Variants in MYO18B observed in about 807,000 individuals in gnomAD.
The protein encoded by MYO18B is myosin XVIIIB.
MYO18B carries 204 observed loss-of-function variants against 273.0 expected under a neutral mutation model. The ratio of observed to expected loss-of-function variants is 0.75; its 90% CI spans 0.67 to 0.84. MYO18B has a LOEUF of 0.84. MYO18B is among the 40% of genes least tolerant of loss of function. The pLI is 0.00. For synonymous variants in MYO18B, 1,330 were observed against 1,305.7 expected (o/e 1.02, Z -0.40); for missense variants, 3,212 against 3,287.6 (o/e 0.98, Z 0.56).
intron 18 of MYO18B, among the ~76,000 whole-genome samples, chr22:25,845,699 G>T: frequency 6.6e-6 from 1 of 152,196 alleles, no homozygotes; most frequent in East Asian, 1.9e-4. Flanking sequence ...ATTCCTTCTT[G>T]CATGAAACAC....
At chr22:25,909,421 C>T (rs1016562164) in intron 32 of MYO18B, among the ~76,000 whole-genome samples, 10 of 152,308 alleles carry the variant, frequency 6.6e-5, no homozygotes, top group South Asian at 2.1e-4. Flanking sequence ...ATAAAGAGAG[C>T]GCCTTGTATT....
At chr22:26,007,525 C>A (rs1476809451) in intron 42 of MYO18B, among the ~76,000 whole-genome samples, 4 of 152,172 alleles carry the variant, frequency 2.6e-5, no homozygotes, top group Non-Finnish European at 5.9e-5. Context: ...CTAAAACTGC[C>A]TAAGGATTAT....
chr22:26,061,431 A>G, the MYO18B span, among the ~76,000 whole-genome samples: 1 of 152,128 alleles, frequency 6.6e-6, no homozygotes, highest in East Asian at 1.9e-4. Context: ...TGCTTTGAAT[A>G]CTGGGTGGCT....
At chr22:25,907,891 A>G (rs2092077086) in intron 31 of MYO18B, among the ~76,000 whole-genome samples, 1 of 152,100 alleles carries the variant, frequency 6.6e-6, no homozygotes, top group African/African-American at 2.4e-5. Context: ...AAAATTAGCC[A>G]GGTGTGGTGG....
At chr22:25,771,178 A>G (rs1426158085) in intron 6 of MYO18B, among the ~76,000 whole-genome samples, 194 bp downstream of exon 6, 6 of 152,226 alleles carry the variant, frequency 3.9e-5, no homozygotes. Context: ...GGGTACTATT[A>G]GGGGGTCATT....
In MYO18B at chr22:25,768,273, G is replaced by C; in HGVS notation, c.357G>C (p.Gln119His). The C allele has an allele frequency of 6.2e-7, 1 of 1,614,010 alleles. No individual in the cohort carries two copies. The highest frequency in any genetic ancestry group is 2.2e-5 in the East Asian group (1 of 44,876). ...GGTCCCGCAGCCCCGACCCTGAGCA[G>C]ATGACAAGCATCAATGGTGAGAAGG... ...SEGSRSPDPE[Q>H]MTSINGEKAQ... Residue 119 changes from glutamine to histidine, a missense_variant, in exon 4 of 44, where the codon CAG (glutamine) becomes CAC (histidine). Coordinates refer to ENST00000335473, the MANE Select transcript of MYO18B (RefSeq NM_032608.7).
At chr22:25,972,606 C>T (rs916038177) in intron 39 of MYO18B, among the ~76,000 whole-genome samples, 6 of 152,236 alleles carry the variant, frequency 3.9e-5, no homozygotes, top group African/African-American at 1.2e-4. Flanking sequence ...GCCCTGATGT[C>T]GGTATTTCAT....
At chr22:25,876,531 T>G (rs1229067053) in intron 24 of MYO18B, among the ~76,000 whole-genome samples, 199 bp downstream of exon 24, 8 of 152,164 alleles carry the variant, frequency 5.3e-5, no homozygotes, top group African/African-American at 1.7e-4. Flanking sequence ...CCAGCTCCTC[T>G]CTAGGCTGTG....
intron 13 of MYO18B, among the ~76,000 whole-genome samples, chr22:25,824,595 T>C (rs974785642): frequency 6.6e-6 from 1 of 152,110 alleles, no homozygotes; most frequent in Non-Finnish European, 1.5e-5. Context: ...AGGAGTGTTG[T>C]GAGCTGTGAT....
chr22:25,985,862 C>T (rs928918253), intron 39 of MYO18B, among the ~76,000 whole-genome samples: 3 of 152,134 alleles, frequency 2.0e-5, no homozygotes, highest in African/African-American at 4.8e-5. Flanking sequence ...AAACTCCTGA[C>T]CTCAAATGAT....
intron 29 of MYO18B, among the ~76,000 whole-genome samples, chr22:25,902,301 G>A (rs67783267): frequency 0.015 from 2,294 of 152,208 alleles, 16 homozygotes; most frequent in Middle Eastern, 0.034. Flanking sequence ...GGAAATTCAG[G>A]CAGAATGACT....
At chr22:25,966,801 G>A (rs894878500) in intron 39 of MYO18B, among the ~76,000 whole-genome samples, 2 of 152,200 alleles carry the variant, frequency 1.3e-5, no homozygotes, top group Non-Finnish European at 2.9e-5. Context: ...GGTGCTGCTA[G>A]CCTCAGACAT....
At chr22:25,825,493 C>G (rs1278883211) in intron 13 of MYO18B, among the ~76,000 whole-genome samples, 1 of 152,202 alleles carries the variant, frequency 6.6e-6, no homozygotes, top group Non-Finnish European at 1.5e-5. Context: ...GTTCAATGCA[C>G]CCTAATCAAG....
chr22:25,851,565 A>C lies in MYO18B; in HGVS notation c.3871A>C (p.Ile1291Leu). ...LKKLMSTSEG[I>L]DERKAVEELL... ...GAAGCTCATGTCGACCTCCGAGGGA[A>C]TAGATGAAAGGAAGGTAGGTGGAGC... Residue 1291 changes from isoleucine to leucine, a missense_variant, in exon 21 of 44, where the codon ATA becomes CTA. By Grantham distance (5) the Ile-to-Leu change is conservative (BLOSUM62 2). Transcript: ENST00000335473. 2 of 1,556,300 alleles carry C rather than the reference A, an allele frequency of 1.3e-6. No individual in the cohort carries two copies. The highest frequency in any genetic ancestry group is 1.7e-6 in the Non-Finnish European group (2 of 1,149,358).
chr22:25,781,168 G>A lies in MYO18B; in HGVS notation c.2212-566G>A, dbSNP rs538797748. 2.6e-4 allele frequency among the ~76,000 whole-genome samples: 39 copies of A among 152,320 alleles called. No individual in the cohort carries two copies. In the South Asian group the frequency reaches 7.7e-3, roughly 30 times the overall value. On this transcript the variant is annotated intron_variant, in intron 9 of 43. Coordinates refer to ENST00000335473, the MANE Select transcript of MYO18B (RefSeq NM_032608.7). ...TGTTGGAAGGTGGCCTCATTTGATT[G>A]TTATTACCTTTGATACCTTAATTGA...
intron 12 of MYO18B, among the ~76,000 whole-genome samples, chr22:25,803,967 AACACACAC>A (rs151023852): frequency 4.5e-4 from 62 of 136,958 alleles, no homozygotes; most frequent in East Asian, 4.0e-3. Flanking sequence ...TGACCCAGTG[AACACACAC>A]ACACACACAC....
intron 11 of MYO18B, among the ~76,000 whole-genome samples, chr22:25,792,654 C>T (rs539033336): frequency 1.0e-3 from 152 of 151,946 alleles, no homozygotes; most frequent in African/African-American, 3.4e-3. Context: ...GCCACCATGC[C>T]CAGCTAATTT....
Position 25,950,550 on chromosome 22 carries a change from G to GTGTGTGTGTGTGTGTGTA in MYO18B, c.5832+101_5832+102insGTGTGTGTGTGTGTGTAT, listed in dbSNP as rs539614518. ...TGTGTGTGTGTGTGTGTGTGTGTGTGTATGAGTTTATTGTTTGTTTATTTG... is the reference window on the plus strand; with the variant it reads ...TGTGTGTGTGTGTGTGTGTGTGTGTGTGTGTGTGTGTGTGTGTATATGAGTTTATTGTTTGTTTATTTG... On this transcript the variant is annotated intron_variant, in intron 37 of 43. Transcript: ENST00000335473. 24 of 740,602 alleles carry GTGTGTGTGTGTGTGTGTA rather than the reference G, an allele frequency of 3.2e-5. No individual in the cohort carries two copies. The East Asian group carries it at 6.6e-4, about 20-fold the overall frequency. 45.9% of individuals were successfully genotyped at this position (740,602 alleles called of 1,614,324 possible).
intron 21 of MYO18B, among the ~76,000 whole-genome samples, chr22:25,855,502 C>T (rs990214125): frequency 3.3e-5 from 5 of 152,112 alleles, no homozygotes; most frequent in African/African-American, 1.2e-4. Flanking sequence ...CCAGGATGAT[C>T]TCGATCTGAC....
Sources: allele counts gnomAD v4.1 joint callset (sites outside exome capture counted in the v4.1 genomes callset), GRCh38; gene constraint gnomAD v4.1.1; transcripts MANE v1.5; gene names NCBI Gene and HGNC (gene_info 2026-07-23, HGNC 2026-07-21).